The following GATB variants were observed in gnomAD, a reference collection of about 807,000 sequenced individuals.
GATB encodes glutamyl-tRNA(Gln) amidotransferase subunit B, mitochondrial.
Under a neutral mutation model 62.3 loss-of-function variants are expected in GATB, and 39 were observed. That is an observed-to-expected ratio of 0.63 (90% confidence interval 0.48 to 0.82). GATB has a LOEUF of 0.82. Among genes scored for constraint, GATB ranks in the 40% least tolerant of loss-of-function variants. GATB has a pLI of 0.00. For synonymous variants in GATB, 276 were observed against 258.9 expected (o/e 1.07, Z -0.63); for missense variants, 670 against 684.0 (o/e 0.98, Z 0.23).
intron 2 of GATB, among the ~76,000 whole-genome samples, chr4:151,726,828 T>TAG (rs1739146588): frequency 6.6e-6 from 1 of 152,220 alleles, no homozygotes; most frequent in African/African-American, 2.4e-5. Context: ...ATCCTCTTCC[T>TAG]GTCTTTGCCT....
chr4:151,760,703 C>T (rs1739936299), intron 1 of GATB, 104 bp downstream of exon 1: 1 of 1,096,178 alleles, frequency 9.1e-7, no homozygotes, highest in Admixed American at 2.9e-5. Flanking sequence ...AACGCCCTCC[C>T]GTCAGCCAAA....
chr4:151,722,262 G>A (rs1462172145), intron 2 of GATB: 6 of 700,436 alleles, frequency 8.6e-6, no homozygotes, highest in Non-Finnish European at 1.6e-5. Context: ...AAACTTTAGG[G>A]GTACATAGAT....
At chr4:151,725,812 A>G (rs1306432342) in intron 2 of GATB, among the ~76,000 whole-genome samples, 1 of 152,242 alleles carries the variant, frequency 6.6e-6, no homozygotes, top group African/African-American at 2.4e-5. Flanking sequence ...TATGTACTTC[A>G]AAGGAATAAC....
At chr4:151,748,457 A>G (rs907998168) in intron 2 of GATB, among the ~76,000 whole-genome samples, 2 of 152,272 alleles carry the variant, frequency 1.3e-5, no homozygotes, top group Admixed American at 6.5e-5. Flanking sequence ...CTGGCTAGCC[A>G]TATGTAGAAA....
rs1392462650 is a variant in GATB, at chr4:151,701,515, GA to G, written c.1010del (p.Phe337SerfsTer27). The G allele has an allele frequency of 1.3e-6, 2 of 1,528,648 alleles. No homozygotes were observed. Among genetic ancestry groups the G allele is most frequent in the Non-Finnish European group, 1.8e-6 (2 of 1,132,698 alleles). 94.7% of individuals were successfully genotyped at this position (1,528,648 alleles called of 1,614,324 possible). On this transcript the variant is annotated frameshift_variant and splice_region_variant, in exon 9 of 13. Coordinates refer to ENST00000263985, the MANE Select transcript of GATB (RefSeq NM_004564.3). LOFTEE classifies it high-confidence loss of function. ...RDKEGKQDYR[F>X]MPEPNLPPLV... ...GGGGAGGCAGGTTGGGTTCTGGCAT[GA>G]ACCTGGGCAGACAGAGGAGACGGGA...
intron 12 of GATB, 26 bp from the exon 13 acceptor site, chr4:151,671,328 AAGAG>A: frequency 6.2e-7 from 1 of 1,610,672 alleles, no homozygotes; most frequent in Non-Finnish European, 8.5e-7. Flanking sequence ...TTACTTACTT[AAGAG>A]GAGAAAATGA....
At chr4:151,735,460 C>T (rs984814903) in intron 2 of GATB, among the ~76,000 whole-genome samples, 1 of 151,826 alleles carries the variant, frequency 6.6e-6, no homozygotes, top group African/African-American at 2.4e-5. Context: ...GGCCTGGATG[C>T]AGCAATCAGG....
intron 11 of GATB, chr4:151,675,686 A>AG (rs984868025): frequency 6.6e-6 from 1 of 152,422 alleles, no homozygotes; most frequent in African/African-American, 2.4e-5. Context: ...CGCAGCTCCC[A>AG]GGCCCTGCTG....
chr4:151,694,043 A>G (rs1738420205), intron 9 of GATB, among the ~76,000 whole-genome samples: 1 of 152,280 alleles, frequency 6.6e-6, no homozygotes, highest in Non-Finnish European at 1.5e-5. Flanking sequence ...ATCAATTCCA[A>G]TTGTAGTCAC....
intron 9 of GATB, among the ~76,000 whole-genome samples, chr4:151,695,310 CCT>C (rs1738446847): frequency 6.6e-6 from 1 of 152,068 alleles, no homozygotes; most frequent in Admixed American, 6.6e-5. Flanking sequence ...GTCATCGCCC[CCT>C]CTTTCAGCTG....
intron 11 of GATB, 151 bp from the exon 12 acceptor site, chr4:151,673,047 AC>A: frequency 1.1e-6 from 1 of 940,662 alleles, no homozygotes; most frequent in African/African-American, 1.6e-5. Context: ...GGGAAAGGGC[AC>A]CTGGCTGCCC....
At chr4:151,702,533 T>C (rs1578910520) in intron 8 of GATB, among the ~76,000 whole-genome samples, 1 of 152,178 alleles carries the variant, frequency 6.6e-6, no homozygotes, top group Non-Finnish European at 1.5e-5. Context: ...GGTTTCATCA[T>C]TGTAACAAAT....
chr4:151,739,494 A>G (rs542843458), intron 2 of GATB, among the ~76,000 whole-genome samples: 3 of 152,054 alleles, frequency 2.0e-5, no homozygotes, highest in South Asian at 4.2e-4. Flanking sequence ...AAAATAGCCA[A>G]CTCTCCCCAC....
rs964419217 is a variant in GATB, at chr4:151,730,853, T to C, written c.328-11315A>G. Among the ~76,000 whole-genome samples the C allele has an allele frequency of 3.3e-5, 5 of 152,296 alleles. No homozygotes were observed. In the East Asian group the frequency reaches 9.7e-4, roughly 29 times the overall value. On this transcript the variant is annotated intron_variant, in intron 2 of 12. Coordinates refer to ENST00000263985, the MANE Select transcript of GATB (RefSeq NM_004564.3). The surrounding 1 kb of genome is among the most constrained non-coding windows in gnomAD (Gnocchi z 4.1). Reference sequence around the variant, plus strand: ...AACGAGAAAACCAACGCTGGTAATATGACAAAACAAGGCTTTTCAACACTC... The same window carrying C: ...AACGAGAAAACCAACGCTGGTAATACGACAAAACAAGGCTTTTCAACACTC...
At chr4:151,688,398 C>T (rs991529321) in intron 10 of GATB, among the ~76,000 whole-genome samples, 1 of 152,202 alleles carries the variant, frequency 6.6e-6, no homozygotes, top group Non-Finnish European at 1.5e-5. Flanking sequence ...TGCCCCCAGC[C>T]TCTGACACAG....
intron 2 of GATB, among the ~76,000 whole-genome samples, chr4:151,732,995 C>CT (rs1739299954): frequency 6.6e-6 from 1 of 151,878 alleles, no homozygotes; most frequent in South Asian, 2.1e-4. Context: ...GTTCACAGCC[C>CT]TAAACACCTA....
intron 2 of GATB, among the ~76,000 whole-genome samples, chr4:151,756,259 A>T (rs1284849313): frequency 6.6e-6 from 1 of 152,228 alleles, no homozygotes; most frequent in African/African-American, 2.4e-5. Flanking sequence ...GCACAAACAT[A>T]TTCTCAAATT....
chr4:151,680,947 C>T (rs1002599000), intron 10 of GATB, among the ~76,000 whole-genome samples: 1 of 152,136 alleles, frequency 6.6e-6, no homozygotes, highest in South Asian at 2.1e-4. Flanking sequence ...TGAGATGCTG[C>T]CTATCTGAGA....
intron 3 of GATB, chr4:151,717,445 C>T: frequency 4.7e-6 from 1 of 212,038 alleles, no homozygotes; most frequent in Non-Finnish European, 9.4e-6. Context: ...CTAAACTCTG[C>T]ATCTCATTAC....
Sources: allele counts gnomAD v4.1 joint callset (sites outside exome capture counted in the v4.1 genomes callset), GRCh38; gene constraint gnomAD v4.1.1; non-coding constraint Gnocchi (gnomAD v3.1); transcripts MANE v1.5; gene names NCBI Gene and HGNC (gene_info 2026-07-23, HGNC 2026-07-21).